ZBTB37: variants seen among roughly 807,000 people sequenced by gnomAD.
ZBTB37 encodes the protein zinc finger and BTB domain-containing protein 37.
In ZBTB37, 15 loss-of-function variants were observed where a neutral mutation model predicts 37.7. The ratio of observed to expected loss-of-function variants is 0.40; its 90% CI spans 0.27 to 0.61. The LOEUF (loss-of-function observed/expected upper bound fraction) is 0.61, where lower values mean the gene tolerates loss of function less well. Ranked by LOEUF, ZBTB37 falls within the 20% of genes least tolerant of loss-of-function variation. ZBTB37 has a pLI of 0.44. For synonymous variants in ZBTB37, 231 were observed against 220.6 expected (o/e 1.05, Z -0.42); for missense variants, 514 against 641.9 (o/e 0.80, Z 2.15).
At chr1:173,874,518 T>C (rs1655809732) in intron 4 of ZBTB37, among the ~76,000 whole-genome samples, 1 of 151,822 alleles carries the variant, frequency 6.6e-6, no homozygotes, top group African/African-American at 2.4e-5. Flanking sequence ...GCCCGGCTAA[T>C]TATTTGTATT....
intron 4 of ZBTB37, among the ~76,000 whole-genome samples, chr1:173,880,956 T>C (rs966687754): frequency 2.1e-5 from 3 of 145,040 alleles, no homozygotes; most frequent in African/African-American, 7.9e-5. Context: ...TTTTTTCTCT[T>C]TTTTTTTTTT....
exon 4 of ZBTB37, chr1:173,892,602 C>G (rs1656884167): frequency 6.6e-6 from 1 of 152,186 alleles, no homozygotes; most frequent in South Asian, 2.1e-4. Context: ...CTGTCTTTCT[C>G]CTCAACTGTG....
At chr1:173,893,417 G>C (rs1656925915) in exon 4 of ZBTB37, 1 of 152,196 alleles carries the variant, frequency 6.6e-6, no homozygotes. Flanking sequence ...TTTGATACCA[G>C]ACAACATGCT....
downstream of ZBTB37, chr1:173,888,254 A>G (rs543538567): frequency 6.6e-6 from 1 of 152,328 alleles, no homozygotes; most frequent in African/African-American, 2.4e-5. Context: ...CCTTAGGGAA[A>G]CAACTGGTAA....
chr1:173,900,097 A>G (rs961197910), exon 4 of ZBTB37: 5 of 152,206 alleles, frequency 3.3e-5, no homozygotes, highest in African/African-American at 9.7e-5. Flanking sequence ...AACAGGTGGC[A>G]TTGTTAATGG....
intron 4 of ZBTB37, among the ~76,000 whole-genome samples, chr1:173,875,317 C>CATAT (rs1156598476): frequency 4.1e-4 from 50 of 122,048 alleles, no homozygotes; most frequent in African/African-American, 1.4e-3. Context: ...TATATGTGTG[C>CATAT]ATATATATAT....
Position 173,872,114 on chromosome 1 carries a change from G to A in ZBTB37, c.923+966G>A, listed in dbSNP as rs573400974. On this transcript the variant is annotated intron_variant, in intron 3 of 4. Transcript: ENST00000427304. Reference sequence around the variant, plus strand: ...GACGGAGTCTCGCTGTGTCGTCCAGGCTGGAGTGCAGTGGTGCGATCTCGG... The same window carrying A: ...GACGGAGTCTCGCTGTGTCGTCCAGACTGGAGTGCAGTGGTGCGATCTCGG... Among the ~76,000 whole-genome samples the A allele has an allele frequency of 2.6e-5, 4 of 152,274 alleles. No homozygotes were observed. In the South Asian group the frequency reaches 8.3e-4, roughly 32 times the overall value.
chr1:173,868,092 A>G, upstream of ZBTB37: 1 of 167,388 alleles, frequency 6.0e-6, no homozygotes, highest in Non-Finnish European at 1.3e-5. Context: ...AACCTCCCTC[A>G]ATCTTCCTCT....
rs190754305 is a variant in ZBTB37 at position 173,876,518 on chromosome 1, A to G, written c.1023+2952A>G. On this transcript the variant is annotated intron_variant, in intron 4 of 4. Coordinates refer to ENST00000427304, the Ensembl canonical transcript of ZBTB37. The stretch of plus-strand genomic sequence containing the variant: ...TTTTTAGTAGAGACAGGGTTTCACC[A>G]TATTGGTCAGGCTGGTCTCAAACTC... Among the ~76,000 whole-genome samples the G allele has an allele frequency of 6.9e-4, 105 of 152,180 alleles. 2 individuals are homozygous for G. The East Asian group carries it at 0.016, about 23-fold the overall frequency.
At chr1:173,884,634 G>A (rs1656520927) in intron 4 of ZBTB37, among the ~76,000 whole-genome samples, 1 of 152,082 alleles carries the variant, frequency 6.6e-6, no homozygotes, top group Non-Finnish European at 1.5e-5. Flanking sequence ...TACATAAAAA[G>A]GAATATTGTC....
chr1:173,896,009 A>G (rs1473550377), exon 4 of ZBTB37: 1 of 152,224 alleles, frequency 6.6e-6, no homozygotes. Flanking sequence ...CAGTTATCAC[A>G]GTAAAGAGAT....
chr1:173,881,303 C>T (rs578082309), intron 4 of ZBTB37, among the ~76,000 whole-genome samples: 84 of 152,164 alleles, frequency 5.5e-4, no homozygotes, highest in Non-Finnish European at 9.6e-4. Context: ...TTTATGGCTG[C>T]ATAGTATTCC....
At chr1:173,871,109 G>C in exon 3 of ZBTB37, 1 of 1,612,242 alleles carries the variant, frequency 6.2e-7, no homozygotes, top group South Asian at 1.1e-5. Flanking sequence ...GGGTCTTCAG[G>C]AGCCAAGGTG....
At chr1:173,871,937 T>C (rs1201421798) in intron 3 of ZBTB37, among the ~76,000 whole-genome samples, 1 of 152,246 alleles carries the variant, frequency 6.6e-6, no homozygotes, top group Non-Finnish European at 1.5e-5. Context: ...TTTTTCCCTC[T>C]TAAAAATAAA....
At chr1:173,872,210 A>G (rs1240959315) in intron 3 of ZBTB37, among the ~76,000 whole-genome samples, 1 of 152,020 alleles carries the variant, frequency 6.6e-6, no homozygotes, top group Non-Finnish European at 1.5e-5. Flanking sequence ...CTGGGACTAC[A>G]GGTCCCTGCC....
chr1:173,898,481 CTG>C (rs958597667), exon 4 of ZBTB37: 2 of 149,160 alleles, frequency 1.3e-5, no homozygotes, highest in Non-Finnish European at 3.0e-5. Context: ...AAAAAAAAGT[CTG>C]GGCTCAAGCG....
intron 4 of ZBTB37, among the ~76,000 whole-genome samples, chr1:173,876,518 A>C (rs190754305): frequency 1.3e-5 from 2 of 152,062 alleles, no homozygotes; most frequent in East Asian, 3.9e-4. Context: ...GGGTTTCACC[A>C]TATTGGTCAG....
At chr1:173,871,274 G>A (rs574262354) in intron 3 of ZBTB37, 126 bp downstream of exon 3, 2 of 910,822 alleles carry the variant, frequency 2.2e-6, no homozygotes, top group African/African-American at 1.7e-5. Flanking sequence ...TTGATGATGG[G>A]GAAACTGGAG....
chr1:173,899,236 GC>G (rs1480778442), exon 4 of ZBTB37: 4 of 151,588 alleles, frequency 2.6e-5, no homozygotes, highest in African/African-American at 9.7e-5. Context: ...CTGCCTATAA[GC>G]CATGCTAATA....
Sources: allele counts gnomAD v4.1 joint callset (sites outside exome capture counted in the v4.1 genomes callset), GRCh38; gene constraint gnomAD v4.1.1; transcripts MANE v1.5; gene names NCBI Gene and HGNC (gene_info 2026-07-23, HGNC 2026-07-21).